PDE10A: variants seen among roughly 807,000 people sequenced by gnomAD.
The protein encoded by PDE10A is cAMP and cAMP-inhibited cGMP 3',5'-cyclic phosphodiesterase 10A.
PDE10A carries 39 observed loss-of-function variants against 97.7 expected under a neutral mutation model. That is an observed-to-expected ratio of 0.40 (90% CI 0.31 to 0.52). The LOEUF is 0.52. PDE10A is among the 20% of genes least tolerant of loss of function. PDE10A has a pLI of 0.56. For missense variants in PDE10A, 731 were observed against 1,047.8 expected (o/e 0.70, Z 4.17); for synonymous variants, 371 against 376.8 (o/e 0.98, Z 0.18).
chr6:165,823,270 TA>T (rs1333817413), intron 1 of PDE10A, among the ~76,000 whole-genome samples: 2 of 124,422 alleles, frequency 1.6e-5, no homozygotes, highest in Admixed American at 8.5e-5. Context: ...TAATTTTTTT[TA>T]AAAAAACTTA....
At chr6:165,498,288 T>C (rs1256885368) in intron 2 of PDE10A, among the ~76,000 whole-genome samples, 2 of 151,266 alleles carry the variant, frequency 1.3e-5, no homozygotes, top group Non-Finnish European at 2.9e-5. Flanking sequence ...CATGCACCTA[T>C]AGTCCTGGCT....
At position 165,556,649 on chromosome 6, in the gene PDE10A, T is replaced by C. The variant is rs1784268792; in HGVS notation, c.866-13081A>G. Among the ~76,000 whole-genome samples, 3 of 152,284 alleles carry C rather than the reference T, an allele frequency of 2.0e-5. No individual in the cohort carries two copies. In the South Asian group the frequency reaches 6.2e-4, roughly 32 times the overall value. On this transcript the variant is annotated intron_variant, in intron 1 of 21. Transcript: ENST00000539869. ...AATAGCCATGAAATACAAGTAAGCC[T>C]AATGCTAAGTAAATACATTCTGTAC...
At chr6:165,401,782 T>C (rs1468544374) in intron 13 of PDE10A, among the ~76,000 whole-genome samples, 1 of 152,210 alleles carries the variant, frequency 6.6e-6, no homozygotes, top group Non-Finnish European at 1.5e-5. Flanking sequence ...ATGAACTTTC[T>C]GAAAGCTCCA....
At chr6:165,619,479 C>CTAGTGTGGTGTGGTG (rs1787982778) in intron 1 of PDE10A, among the ~76,000 whole-genome samples, 1 of 18,150 alleles carries the variant, frequency 5.5e-5, no homozygotes, top group Non-Finnish European at 1.0e-4. Context: ...GTAGTGTAGT[C>CTAGTGTGGTGTGGTG]TAGTGTAGTC....
chr6:165,794,136 C>T (rs1404518530), intron 1 of PDE10A, among the ~76,000 whole-genome samples: 1 of 151,920 alleles, frequency 6.6e-6, no homozygotes, highest in South Asian at 2.1e-4. Context: ...CACACACGCT[C>T]ACACTCACTC....
chr6:165,500,277 T>A (rs1159789933), intron 2 of PDE10A, among the ~76,000 whole-genome samples: 1 of 151,942 alleles, frequency 6.6e-6, no homozygotes, highest in Non-Finnish European at 1.5e-5. Flanking sequence ...ACAGATGGCA[T>A]TGTGCAGAAA....
intron 1 of PDE10A, among the ~76,000 whole-genome samples, chr6:165,817,469 T>C (rs1300036590): frequency 2.0e-5 from 3 of 152,248 alleles, no homozygotes; most frequent in Non-Finnish European, 4.4e-5. Context: ...TCCCATGTGA[T>C]AAGCTGAGAG....
chr6:165,779,868 G>C (rs1216178851), intron 1 of PDE10A, among the ~76,000 whole-genome samples: 1 of 152,084 alleles, frequency 6.6e-6, no homozygotes, highest in Non-Finnish European at 1.5e-5. Flanking sequence ...GTTTGCCAGG[G>C]AAGCAACCTT....
intron 1 of PDE10A, among the ~76,000 whole-genome samples, chr6:165,873,997 G>A (rs568684673): frequency 5.3e-4 from 80 of 152,252 alleles, no homozygotes; most frequent in African/African-American, 1.8e-3. Flanking sequence ...TCTTCTCTAA[G>A]GGACAAAGGG....
intron 1 of PDE10A, among the ~76,000 whole-genome samples, chr6:165,619,430 T>C (rs796656575): frequency 6.7e-5 from 1 of 14,906 alleles, no homozygotes; most frequent in Non-Finnish European, 1.8e-4. Context: ...TAGTGTAGTA[T>C]AGTGTAGTGT....
intron 1 of PDE10A, among the ~76,000 whole-genome samples, chr6:165,758,549 G>C (rs1281701878): frequency 9.3e-6 from 1 of 107,218 alleles, no homozygotes; most frequent in Non-Finnish European, 2.3e-5. Flanking sequence ...GGAAGAGGAA[G>C]AAGAAGAGGA....
chr6:165,415,667 C>T (rs764212320), intron 12 of PDE10A, among the ~76,000 whole-genome samples: 3 of 152,078 alleles, frequency 2.0e-5, no homozygotes, highest in Non-Finnish European at 4.4e-5. Flanking sequence ...CTTAAAACAA[C>T]AGCAACAAAA....
intron 1 of PDE10A, among the ~76,000 whole-genome samples, chr6:165,852,563 A>C (rs1407640641): frequency 6.6e-6 from 1 of 152,212 alleles, no homozygotes; most frequent in East Asian, 1.9e-4. Context: ...GTGTCATGAG[A>C]ACAATTTTTA....
chr6:165,598,765 CTT>C (rs1330894476), intron 1 of PDE10A, among the ~76,000 whole-genome samples: 2 of 152,192 alleles, frequency 1.3e-5, no homozygotes, highest in Non-Finnish European at 2.9e-5. Flanking sequence ...ATCCATTACT[CTT>C]ATAAATTTTC....
Position 165,543,543 on chromosome 6 carries a change from T to A in PDE10A, c.891A>T (p.Ala297=). The change falls in exon 2 of 22, where the codon GCA becomes GCT. Residue 297 remains alanine, a synonymous_variant. Transcript: ENST00000539869. ...ATACCTGGGGGTGAAGAGAAAGATATGCCTTCACTTTTTCATCTGTCAAAC... is the reference window on the plus strand; with the variant it reads ...ATACCTGGGGGTGAAGAGAAAGATAAGCCTTCACTTTTTCATCTGTCAAAC... ...SPSLTDEKVK[A]YLSLHPQVLD... 1 of 1,611,134 alleles carries A rather than the reference T, an allele frequency of 6.2e-7. No homozygotes were observed. The highest frequency in any genetic ancestry group is 8.5e-7 in the Non-Finnish European group (1 of 1,178,224).
At chr6:165,847,550 T>C (rs901699300) in intron 1 of PDE10A, among the ~76,000 whole-genome samples, 13 of 152,262 alleles carry the variant, frequency 8.5e-5, no homozygotes, top group Non-Finnish European at 1.8e-4. Context: ...GGAGGTAACC[T>C]GGTGAGTCGG....
chr6:165,725,289 T>C (rs1351394553), intron 1 of PDE10A, among the ~76,000 whole-genome samples: 2 of 152,222 alleles, frequency 1.3e-5, no homozygotes, highest in South Asian at 2.1e-4. Context: ...GAGGGTCTAA[T>C]TGAGCTATCA....
At chr6:165,984,940 T>C (rs566959715) in intron 1 of PDE10A, among the ~76,000 whole-genome samples, 7 of 152,290 alleles carry the variant, frequency 4.6e-5, no homozygotes, top group Admixed American at 2.0e-4. Context: ...ACACAAAGAC[T>C]CATGTTTTCT....
intron 1 of PDE10A, chr6:165,940,812 A>C (rs990615198): frequency 6.6e-6 from 1 of 152,286 alleles, no homozygotes; most frequent in Non-Finnish European, 1.5e-5. Flanking sequence ...TGAACCAATG[A>C]TAAGCACAAT....
Sources: allele counts gnomAD v4.1 joint callset (sites outside exome capture counted in the v4.1 genomes callset), GRCh38; gene constraint gnomAD v4.1.1; transcripts MANE v1.5; gene names NCBI Gene and HGNC (gene_info 2026-07-23, HGNC 2026-07-21).